The following GRIK1 variants were observed in gnomAD, a reference collection of about 807,000 sequenced individuals.
GRIK1 encodes the protein glutamate receptor ionotropic, kainate 1.
GRIK1 carries 69 observed loss-of-function variants against 105.7 expected under a neutral mutation model. That is an observed-to-expected ratio of 0.65 (90% CI 0.54 to 0.80). GRIK1 has a LOEUF of 0.80. GRIK1 is among the 30% of genes least tolerant of loss of function. The pLI is 0.00. For missense variants in GRIK1, 1,109 were observed against 1,167.3 expected, an observed-to-expected ratio of 0.95 and a Z score of 0.73; for synonymous variants, 438 against 431.3, an observed-to-expected ratio of 1.02 and a Z score of -0.19.
intron 1 of GRIK1, among the ~76,000 whole-genome samples, chr21:29,776,744 G>A (rs1485839668): frequency 6.6e-6 from 1 of 152,194 alleles, no homozygotes; most frequent in Non-Finnish European, 1.5e-5. Context: ...ACTTTTCAAT[G>A]AAAACCTCTT....
chr21:29,831,645 G>A (rs546201740), intron 1 of GRIK1, among the ~76,000 whole-genome samples: 1 of 152,136 alleles, frequency 6.6e-6, no homozygotes, highest in African/African-American at 2.4e-5. Flanking sequence ...AACTTACTAT[G>A]ATAGGAACAT....
At chr21:29,911,436 C>A (rs140872390) in intron 1 of GRIK1, among the ~76,000 whole-genome samples, 2 of 151,938 alleles carry the variant, frequency 1.3e-5, no homozygotes, top group East Asian at 1.9e-4. Flanking sequence ...TATGCAGCCA[C>A]GATCCTGGAC....
intron 6 of GRIK1, among the ~76,000 whole-genome samples, chr21:29,646,038 T>A (rs1450096308): frequency 6.6e-6 from 1 of 152,196 alleles, no homozygotes; most frequent in Non-Finnish European, 1.5e-5. Context: ...GAGAGATAAC[T>A]TTTAACTCCT....
intron 1 of GRIK1, among the ~76,000 whole-genome samples, chr21:29,766,105 T>G (rs1601638411): frequency 6.6e-6 from 1 of 152,080 alleles, no homozygotes; most frequent in East Asian, 1.9e-4. Flanking sequence ...CGCCTTGGCC[T>G]CCAAAAGTGC....
chr21:29,712,319 A>G, intron 1 of GRIK1, among the ~76,000 whole-genome samples: 1 of 152,096 alleles, frequency 6.6e-6, no homozygotes, highest in Non-Finnish European at 1.5e-5. Flanking sequence ...TTTTTGCTAT[A>G]AAAATAACGT....
intron 1 of GRIK1, among the ~76,000 whole-genome samples, chr21:29,888,948 GT>G (rs935118256): frequency 3.9e-5 from 6 of 152,016 alleles, no homozygotes; most frequent in Non-Finnish European, 5.9e-5. Flanking sequence ...ATTCCATCCT[GT>G]TTTTTTGTAA....
chr21:29,597,956 G>T (rs6516922), intron 8 of GRIK1, among the ~76,000 whole-genome samples: 1 of 152,062 alleles, frequency 6.6e-6, no homozygotes. Context: ...GCAATCGATT[G>T]TTCCCAAAGC....
intron 1 of GRIK1, among the ~76,000 whole-genome samples, chr21:29,809,013 T>A (rs984432766): frequency 3.9e-5 from 6 of 152,214 alleles, no homozygotes; most frequent in African/African-American, 1.4e-4. Flanking sequence ...ATTTTTTCCC[T>A]CAAGTCAAAC....
In GRIK1 at chr21:29,548,564, TAA is replaced by T. The variant is rs1486127033; in HGVS notation, c.2607+6486_2607+6487del. Among the ~76,000 whole-genome samples, 3 of 24,372 alleles carry T rather than the reference TAA, an allele frequency of 1.2e-4. No individual in the cohort carries two copies. The East Asian group carries it at 9.8e-3, about 80-fold the overall frequency. 16.0% of individuals were successfully genotyped at this position (24,372 alleles called of 152,430 possible). A position where few individuals can be genotyped will look rare whatever the true frequency, so the allele number is the denominator to read the frequency against. ...GTTAGATGTTCAGAAAATAGTCTAA[TAA>T]GTAAGACTGCTTTGCTTTCCTTTTG... On this transcript the variant is annotated intron_variant, in intron 16 of 17. Transcript: ENST00000327783.
chr21:29,539,234 G>C (rs150564633), intron 16 of GRIK1, among the ~76,000 whole-genome samples: 1 of 152,266 alleles, frequency 6.6e-6, no homozygotes, highest in Admixed American at 6.5e-5. Flanking sequence ...CTATGGGGTT[G>C]TGTCTCAATA....
intron 15 of GRIK1, among the ~76,000 whole-genome samples, chr21:29,560,368 C>CTTTCTTTCTTTTTCTTT (rs1568813696): frequency 4.8e-5 from 1 of 20,734 alleles, no homozygotes; most frequent in Non-Finnish European, 8.8e-5. Context: ...TTTCTTTCTT[C>CTTTCTTTCTTTTTCTTT]CTTCCTTCCT....
At chr21:29,582,299 A>T (rs2091039145) in intron 12 of GRIK1, 1 of 467,080 alleles carries the variant, frequency 2.1e-6, no homozygotes, top group African/African-American at 2.0e-5. Flanking sequence ...ATTTGTTTTA[A>T]ATTTGTTTTC....
chr21:29,579,997 GTA>G (rs1483817554), intron 13 of GRIK1, among the ~76,000 whole-genome samples: 20 of 143,584 alleles, frequency 1.4e-4, no homozygotes, highest in Admixed American at 1.1e-3. Context: ...GTATATATAT[GTA>G]TATATATGTA....
chr21:29,906,653 A>C (rs1201075843), intron 1 of GRIK1, among the ~76,000 whole-genome samples: 1 of 152,128 alleles, frequency 6.6e-6, no homozygotes, highest in African/African-American at 2.4e-5. Flanking sequence ...GAAAAGAAGA[A>C]AAGGATAATT....
intron 14 of GRIK1, among the ~76,000 whole-genome samples, chr21:29,565,594 A>G (rs2090594389): frequency 1.3e-5 from 2 of 152,070 alleles, no homozygotes; most frequent in South Asian, 4.1e-4. Flanking sequence ...TACCATGCCC[A>G]GCTAATTTTT....
intron 16 of GRIK1, among the ~76,000 whole-genome samples, chr21:29,552,236 A>G (rs1199567491): frequency 1.3e-5 from 2 of 152,126 alleles, no homozygotes; most frequent in Non-Finnish European, 2.9e-5. Flanking sequence ...ATTTCTTGAT[A>G]TGTCAAAAGA....
intron 1 of GRIK1, among the ~76,000 whole-genome samples, chr21:29,833,262 A>T (rs540191100): frequency 1.5e-3 from 226 of 152,258 alleles, no homozygotes; most frequent in Non-Finnish European, 2.3e-3. Context: ...ACTTTCCCTC[A>T]TATTCCTGTT....
intron 1 of GRIK1, 99 bp downstream of exon 1, chr21:29,939,284 C>A (rs1471320903): frequency 1.4e-6 from 1 of 710,472 alleles, no homozygotes; most frequent in Admixed American, 2.3e-5. Context: ...AGCTCCGGCT[C>A]CTGCGCCGCC....
At position 29,560,511 on chromosome 21, in the gene GRIK1, CCTTCCTTCCTTTCTTTCTTTCTTTCTTT is replaced by C. The variant is rs1183268442; in HGVS notation, c.2356+1085_2356+1112del. Among the ~76,000 whole-genome samples the C allele has an allele frequency of 4.7e-3, 187 of 40,210 alleles. 9 individuals are homozygous for C. Among genetic ancestry groups the C allele is most frequent in the Admixed American group, 0.028 (93 of 3,328 alleles). The allele number at this position is 40,210 out of a possible 152,430, so 26.4% of individuals were successfully genotyped here. ...TCTTTCTTTCTTTCCTTCCTTCCTT[CCTTCCTTCCTTTCTTTCTTTCTTTCTTT>C]CTTTCTTTCTTTCTTTCTTTCTTTC... On this transcript the variant is annotated intron_variant, in intron 15 of 17. Coordinates refer to ENST00000327783, the MANE Select transcript of GRIK1 (RefSeq NM_001330994.2).
Sources: gnomAD v4.1 joint callset for allele counts (sites outside exome capture counted in the v4.1 genomes callset) on GRCh38, gnomAD v4.1.1 for gene constraint, MANE v1.5 for transcripts, NCBI Gene and HGNC (gene_info 2026-07-23, HGNC 2026-07-21) for gene names.